EPRS1: variants seen among roughly 807,000 people sequenced by gnomAD.
EPRS1 encodes glutamyl-prolyl-tRNA synthetase 1, also known as bifunctional glutamate/proline--tRNA ligase.
In EPRS1, 107 loss-of-function variants were observed where a neutral mutation model predicts 188.3. The ratio of observed to expected loss-of-function variants is 0.57; its 90% CI spans 0.49 to 0.67. EPRS1 has a LOEUF of 0.67. EPRS1 is among the 30% of genes least tolerant of loss of function. The probability of loss-of-function intolerance (pLI) is 0.00; values close to 1 mark genes in which losing one functional copy is unlikely to be tolerated. For synonymous variants in EPRS1, 596 were observed against 593.1 expected, an observed-to-expected ratio of 1.00 and a Z score of -0.07; for missense variants, 1,577 against 1,802.2, an observed-to-expected ratio of 0.88 and a Z score of 2.26.
intron 16 of EPRS1, among the ~76,000 whole-genome samples, chr1:220,002,099 G>A (rs2102577533): frequency 6.6e-6 from 1 of 152,168 alleles, no homozygotes; most frequent in South Asian, 2.1e-4. Flanking sequence ...GGAGGCCAAG[G>A]CAGGTGGATT....
At chr1:220,012,188 C>A (rs1216054419) in intron 12 of EPRS1, among the ~76,000 whole-genome samples, 1 of 151,420 alleles carries the variant, frequency 6.6e-6, no homozygotes, top group Non-Finnish European at 1.5e-5. Context: ...AATACTAAAT[C>A]AGTACCAGCC....
At chr1:219,973,432 T>A (rs778024659) in intron 28 of EPRS1, 34 bp from the exon 29 acceptor site, 15 of 1,506,342 alleles carry the variant, frequency 1.0e-5, no homozygotes, top group Non-Finnish European at 1.4e-5. Flanking sequence ...AAATGATATA[T>A]GAATGTCTCC....
chr1:220,002,262 A>G (rs1571674727), intron 16 of EPRS1, among the ~76,000 whole-genome samples: 1 of 151,440 alleles, frequency 6.6e-6, no homozygotes, highest in Non-Finnish European at 1.5e-5. Flanking sequence ...AACCCAGGAG[A>G]TGGAGATTGC....
intron 12 of EPRS1, among the ~76,000 whole-genome samples, chr1:220,012,914 T>TGGTAGCACTAAGTGGAGGGGGAAGGAC (rs1287023143): frequency 2.2e-4 from 33 of 151,266 alleles, no homozygotes; most frequent in South Asian, 6.3e-4. Flanking sequence ...GGTTTAATTT[T>TGGTAGCACTAAGTGGAGGGGGAAGGAC]CAAGAAAACT....
intron 29 of EPRS1, 149 bp downstream of exon 29, chr1:219,973,089 A>G: frequency 3.1e-6 from 2 of 638,168 alleles, no homozygotes; most frequent in Non-Finnish European, 5.5e-6. Flanking sequence ...CAAGTAAAAA[A>G]CCCAGAGAGT....
At chr1:219,971,795 T>C (rs1470630721) in intron 30 of EPRS1, among the ~76,000 whole-genome samples, 3 of 108,400 alleles carry the variant, frequency 2.8e-5, no homozygotes, top group Non-Finnish European at 6.0e-5. Context: ...TATATATATA[T>C]ACATATACAC....
chr1:220,018,163 T>C (rs1661759561), intron 12 of EPRS1: 1 of 1,384,524 alleles, frequency 7.2e-7, no homozygotes. Context: ...AGCAGAAAAA[T>C]GAAATGCAGA....
intron 12 of EPRS1, among the ~76,000 whole-genome samples, chr1:220,016,847 C>T (rs1003579477): frequency 6.6e-6 from 1 of 151,678 alleles, no homozygotes; most frequent in Non-Finnish European, 1.5e-5. Context: ...AATTATTTAT[C>T]TTCCATCACG....
chr1:219,987,254 T>A lies in EPRS1; in HGVS notation c.2926A>T (p.Asn976Tyr), dbSNP rs1347324913. The A allele has an allele frequency of 1.2e-6, 2 of 1,614,170 alleles. No homozygotes were observed. Among genetic ancestry groups the A allele is most frequent in the African/African-American group, 1.3e-5 (1 of 75,044 alleles). The stretch of plus-strand genomic sequence containing the variant: ...CCATCATTTTGTTTCTGAGGCTTAT[T>A]CTGCTTTTCAGATTTATTTTCTTTT... ...KEKENKSEKQ[N>Y]KPQKQNDGQR... The change falls in exon 20 of 32, where the codon AAT (asparagine) becomes TAT (tyrosine). Residue 976 changes from asparagine (N) to tyrosine (Y), a missense_variant. By Grantham distance (143) the Asn-to-Tyr change is moderately radical (BLOSUM62 -2). Coordinates refer to ENST00000366923, the MANE Select transcript of EPRS1 (RefSeq NM_004446.3).
At position 220,033,524 on chromosome 1, in the gene EPRS1, T is replaced by C. The variant is rs1365598805; in HGVS notation, c.366A>G (p.Leu122=). Residue 122 remains leucine (L), a synonymous_variant, in exon 4 of 32, where the codon TTA becomes TTG. Transcript: ENST00000366923. Reference sequence around the variant, plus strand: ...TACCTTTTAGGGTGGCCCAAACACATAAATCTGCTAAACTCAAGGAGTTTC... The same window carrying C: ...TACCTTTTAGGGTGGCCCAAACACACAAATCTGCTAAACTCAAGGAGTTTC... ...LVGNSLSLAD[L]CVWATLKGNA... 3.1e-6 allele frequency: 5 copies of C among 1,611,304 alleles called. No individual in the cohort carries two copies. The African/African-American group carries it at 4.0e-5, about 13-fold the overall frequency.
chr1:220,009,690 AAG>A (rs1558054078), intron 13 of EPRS1, among the ~76,000 whole-genome samples: 15 of 150,590 alleles, frequency 1.0e-4, no homozygotes, highest in African/African-American at 3.2e-4. Context: ...TTTCAAAATT[AAG>A]AAAAAAAAAA....
At chr1:219,996,320 T>C (rs1383724653) in intron 18 of EPRS1, among the ~76,000 whole-genome samples, 1 of 152,248 alleles carries the variant, frequency 6.6e-6, no homozygotes, top group African/African-American at 2.4e-5. Flanking sequence ...CAAAAACCTC[T>C]TGACAATCCA....
Position 220,042,603 on chromosome 1 carries a change from A to G in EPRS1, c.47-2334T>C, listed in dbSNP as rs553327195. 1.1e-4 allele frequency among the ~76,000 whole-genome samples: 17 copies of G among 152,226 alleles called. No individual in the cohort carries two copies. In the East Asian group the frequency reaches 3.1e-3, roughly 28 times the overall value. On this transcript the variant is annotated intron_variant, in intron 1 of 31. Transcript: ENST00000366923. ...AGATCAATTTTAGCACACCCATACA[A>G]TGAAATTTTATCCAGCAAATAAAAA... is the stretch of plus-strand genomic sequence containing the variant.
rs1174588807 is a variant in EPRS1 at position 220,006,104 on chromosome 1, A to T, written c.1950+2T>A. On this transcript the variant is annotated splice_donor_variant, in intron 15 of 31. Transcript: ENST00000366923. LOFTEE classifies it high-confidence loss of function. ...TGAAATATGGTTTCTTTGGAAGGTT[A>T]CCTTACTGTTCTTGTTGACATACTG... 1 of 1,530,392 alleles carries T rather than the reference A, an allele frequency of 6.5e-7. No individual in the cohort carries two copies. The highest frequency in any genetic ancestry group is 8.9e-7 in the Non-Finnish European group (1 of 1,129,348). 94.8% of individuals were successfully genotyped at this position (1,530,392 alleles called of 1,614,324 possible).
chr1:219,973,365 C>G lies in EPRS1; in HGVS notation c.4117G>C (p.Asp1373His). ...VPIRLEVGPR[D>H]MKSCQFVAVR... ...GCTACAAACTGACAGCTCTTCATATCACGTGGCCCAACTTCAAGTCTAATG... is the reference window on the plus strand; with the variant it reads ...GCTACAAACTGACAGCTCTTCATATGACGTGGCCCAACTTCAAGTCTAATG... Residue 1373 changes from aspartate to histidine, a missense_variant, in exon 29 of 32, where the codon GAT becomes CAT. This residue lies in a region of EPRS1 where 296 missense variants were observed against 327.9 expected (regional missense o/e 0.90). Coordinates refer to ENST00000366923, the MANE Select transcript of EPRS1 (RefSeq NM_004446.3). The G allele has an allele frequency of 6.2e-7, 1 of 1,612,074 alleles. No individual in the cohort carries two copies. The highest frequency in any genetic ancestry group is 1.1e-5 in the South Asian group (1 of 90,924).
intron 16 of EPRS1, among the ~76,000 whole-genome samples, chr1:220,001,792 G>T (rs1661357494): frequency 6.6e-6 from 1 of 152,174 alleles, no homozygotes; most frequent in Admixed American, 6.5e-5. Context: ...ACTTTGAGAG[G>T]CCAAGGCGGG....
chr1:220,023,889 C>T (rs1031585877), intron 8 of EPRS1, among the ~76,000 whole-genome samples: 1 of 152,216 alleles, frequency 6.6e-6, no homozygotes, highest in African/African-American at 2.4e-5. Context: ...TACGGTGGCT[C>T]ATGCCTGTAA....
chr1:220,030,144 T>G (rs1374862248), intron 6 of EPRS1, among the ~76,000 whole-genome samples: 1 of 152,206 alleles, frequency 6.6e-6, no homozygotes. Flanking sequence ...ATAATTAAAG[T>G]TCTGTCAGGA....
chr1:219,969,141 A>C lies in EPRS1; in HGVS notation c.4324-19T>G. 6.5e-7 allele frequency: 1 copy of C among 1,528,664 alleles called. No individual in the cohort carries two copies. Among genetic ancestry groups the C allele is most frequent in the Non-Finnish European group, 9.1e-7 (1 of 1,102,938 alleles). The allele number at this position is 1,528,664 out of a possible 1,614,324, so 94.7% of individuals were successfully genotyped here. On this transcript the variant is annotated intron_variant, in intron 30 of 31. Coordinates refer to ENST00000366923, the MANE Select transcript of EPRS1 (RefSeq NM_004446.3). ...GAACAATCTAATTAAGAAAAGGAAA[A>C]GTAATCAGTATTTATAACTCCTTCA...
Sources: gnomAD v4.1 joint callset for allele counts (sites outside exome capture counted in the v4.1 genomes callset) on GRCh38, gnomAD v4.1.1 for gene constraint, gnomAD v4.1.1 regional missense constraint, MANE v1.5 for transcripts, NCBI Gene and HGNC (gene_info 2026-07-23, HGNC 2026-07-21) for gene names.